The following FAM91A1 variants were observed in gnomAD, a reference collection of about 807,000 sequenced individuals.
FAM91A1 encodes the protein family with sequence similarity 91 member A1.
In FAM91A1, 41 loss-of-function variants were observed where a neutral mutation model predicts 113.5. That is an observed-to-expected ratio of 0.36 (90% CI 0.28 to 0.47). FAM91A1 has a LOEUF of 0.47. Among genes scored for constraint, FAM91A1 ranks in the 20% least tolerant of loss-of-function variants. The probability of loss-of-function intolerance (pLI) is 1.00; values close to 1 mark genes in which losing one functional copy is unlikely to be tolerated. For synonymous variants in FAM91A1, 307 were observed against 347.9 expected (o/e 0.88, Z 1.31); for missense variants, 696 against 1,001.2 (o/e 0.70, Z 4.11).
At position 123,778,768 on chromosome 8, in the gene FAM91A1, T is replaced by G. The variant is rs1182326046; in HGVS notation, c.545T>G (p.Ile182Ser). 1 of 1,515,216 alleles carries G rather than the reference T, an allele frequency of 6.6e-7. No homozygotes were observed. The highest frequency in any genetic ancestry group is 2.0e-5 in the Admixed American group (1 of 49,086). 93.9% of individuals were successfully genotyped at this position (1,515,216 alleles called of 1,614,324 possible). ...VQAGYITEDDIKICTLPEKCA... is the reference protein window; with the variant it reads ...VQAGYITEDDSKICTLPEKCA... ...GCTGGCTATATCACAGAAGATGACA[T>G]CAAGGTAGAAATCTTTAAAAGTTAA... is the stretch of plus-strand genomic sequence containing the variant. The change falls in exon 6 of 24, where the codon ATC becomes AGC. Residue 182 changes from isoleucine (I) to serine (S), a missense_variant. Coordinates refer to ENST00000334705, the MANE Select transcript of FAM91A1 (RefSeq NM_144963.4).
intron 7 of FAM91A1, among the ~76,000 whole-genome samples, 169 bp from the exon 8 acceptor site, chr8:123,780,311 G>A (rs1815087972): frequency 6.6e-6 from 1 of 152,090 alleles, no homozygotes; most frequent in Admixed American, 6.5e-5. Context: ...GTATATGCAG[G>A]AAACCGAGAT....
rs1158252882 is a variant in FAM91A1, at chr8:123,799,618, A to G, written c.1659A>G (p.Lys553=). ...GQGPPSLLLS[K]GTRLRKLPDI... Reference sequence around the variant, plus strand: ...GACCACCATCCCTTTTATTGTCCAAAGGTACAAGACTTCGAAAACTGCCAG... The same window carrying G: ...GACCACCATCCCTTTTATTGTCCAAGGGTACAAGACTTCGAAAACTGCCAG... The change falls in exon 17 of 24, where the codon AAA becomes AAG. Residue 553 remains lysine (K), a synonymous_variant. Transcript: ENST00000334705. The G allele has an allele frequency of 6.2e-7, 1 of 1,614,156 alleles. No individual in the cohort carries two copies. Among genetic ancestry groups the G allele is most frequent in the East Asian group, 2.2e-5 (1 of 44,862 alleles).
chr8:123,812,410 C>CCGTATTATTAAAA, intron 23 of FAM91A1, 109 bp from the exon 24 acceptor site: 2 of 749,276 alleles, frequency 2.7e-6, no homozygotes, highest in Non-Finnish European at 3.8e-6. Context: ...TACTGCTTTG[C>CCGTATTATTAAAA]AATCCATAAA....
rs765576728 is a variant in FAM91A1, at chr8:123,808,877, A to G, written c.2138-16A>G. 6.9e-6 allele frequency: 11 copies of G among 1,603,030 alleles called. No individual in the cohort carries two copies. Among genetic ancestry groups the G allele is most frequent in the Middle Eastern group, 2.2e-4 (1 of 4,456 alleles). ...ATATATATGATAAAAAAATAAGTTT[A>G]TGTATCCTTTCTTAGGTGCCACAAC... On this transcript the variant is annotated splice_polypyrimidine_tract_variant and intron_variant, in intron 21 of 23. Transcript: ENST00000334705.
rs778814659 is a variant in FAM91A1 at position 123,805,309 on chromosome 8, T to A, written c.1852T>A (p.Phe618Ile). 13 of 1,612,906 alleles carry A rather than the reference T, an allele frequency of 8.1e-6. 1 individual carries two copies. In the South Asian group the frequency reaches 1.4e-4, roughly 18 times the overall value. The change falls in exon 19 of 24, where the codon TTT becomes ATT. Residue 618 changes from phenylalanine (F) to isoleucine (I), a missense_variant. Phe to Ile is a conservative substitution (Grantham distance 21, BLOSUM62 0). Coordinates refer to ENST00000334705, the MANE Select transcript of FAM91A1 (RefSeq NM_144963.4). ...HGIGETVHVPFPFDETELQGE... is the reference protein window; with the variant it reads ...HGIGETVHVPIPFDETELQGE... ...GATAGGAGAAACTGTCCATGTCCCATTTCCATTTGATGAAACAGAACTACA... is the reference window on the plus strand; with the variant it reads ...GATAGGAGAAACTGTCCATGTCCCAATTCCATTTGATGAAACAGAACTACA...
At chr8:123,796,461 CTTTTT>C (rs71289612) in intron 15 of FAM91A1, among the ~76,000 whole-genome samples, 1 of 129,036 alleles carries the variant, frequency 7.7e-6, no homozygotes. Context: ...GAGTGAAGGG[CTTTTT>C]TTTTTTTTTT....
rs531984658 is a variant in FAM91A1, at chr8:123,787,095, C to T, written c.1079-166C>T. Among the ~76,000 whole-genome samples the T allele has an allele frequency of 1.4e-4, 21 of 152,264 alleles. 2 individuals are homozygous for T. The highest frequency in any genetic ancestry group is 5.2e-4 in the Admixed American group (8 of 15,294). The stretch of plus-strand genomic sequence containing the variant: ...GTTAAATGCTTTTTAATATTCTTTG[C>T]GCTTCAAAATAGGTATGGCTGGAAC... On this transcript the variant is annotated intron_variant, in intron 12 of 23. Transcript: ENST00000334705.
At position 123,778,719 on chromosome 8, in the gene FAM91A1, A is replaced by G; in HGVS notation, c.496A>G (p.Ile166Val). ...LLPIKPVEIA[I>V]EAWWVVQAGY... is the part of the protein sequence containing the mutation. ...ACCAATAAAGCCAGTGGAAATTGCC[A>G]TAGAGGCGTGGTGGGTGGTGCAGGC... The change falls in exon 6 of 24, where the codon ATA becomes GTA. Residue 166 changes from isoleucine (I) to valine (V), a missense_variant. By Grantham distance (29) the Ile-to-Val change is conservative (BLOSUM62 3). Transcript: ENST00000334705. 1 of 1,609,452 alleles carries G rather than the reference A, an allele frequency of 6.2e-7. No individual in the cohort carries two copies. The highest frequency in any genetic ancestry group is 8.5e-7 in the Non-Finnish European group (1 of 1,178,410).
intron 15 of FAM91A1, among the ~76,000 whole-genome samples, chr8:123,791,052 T>C (rs1332789675): frequency 6.6e-6 from 1 of 152,226 alleles, no homozygotes; most frequent in Non-Finnish European, 1.5e-5. Context: ...ATGGAGATAA[T>C]GTATTAGATG....
intron 15 of FAM91A1, among the ~76,000 whole-genome samples, chr8:123,794,903 G>A (rs1224451937): frequency 2.0e-5 from 3 of 152,226 alleles, no homozygotes; most frequent in Non-Finnish European, 4.4e-5. Context: ...TGTAAAAGAC[G>A]ATTGTTAAAT....
intron 15 of FAM91A1, among the ~76,000 whole-genome samples, chr8:123,791,094 A>C (rs1309630472): frequency 1.3e-5 from 2 of 152,240 alleles, no homozygotes; most frequent in African/African-American, 4.8e-5. Context: ...CTGTCTTGAA[A>C]TACATTGTCC....
chr8:123,787,931 G>C (rs1311832453), intron 14 of FAM91A1, among the ~76,000 whole-genome samples, 181 bp downstream of exon 14: 1 of 152,118 alleles, frequency 6.6e-6, no homozygotes, highest in Non-Finnish European at 1.5e-5. Flanking sequence ...TTGAGTGGGT[G>C]AATTGATTTT....
chr8:123,808,730 G>A, intron 21 of FAM91A1, 163 bp from the exon 22 acceptor site: 1 of 610,806 alleles, frequency 1.6e-6, no homozygotes, highest in Non-Finnish European at 2.7e-6. Flanking sequence ...GAGATTAACT[G>A]ACCCCCTTCA....
chr8:123,808,194 T>A (rs1281616332), intron 20 of FAM91A1, 78 bp from the exon 21 acceptor site: 1 of 1,115,772 alleles, frequency 9.0e-7, no homozygotes, highest in Non-Finnish European at 1.3e-6. Context: ...TGAAGTCTTT[T>A]CCATGTTAGG....
In FAM91A1 at chr8:123,787,317, G is replaced by A. The variant is rs760648737; in HGVS notation, c.1135G>A (p.Ala379Thr). The change falls in exon 13 of 24, where the codon GCA becomes ACA. Residue 379 changes from alanine (A) to threonine (T), a missense_variant. Ala to Thr is a moderately conservative substitution (Grantham distance 58, BLOSUM62 0). Transcript: ENST00000334705. ...GTCTACAGGACACACGAAGCGCATC[G>A]CATTCCTGTTTGACTCCACTCTTAC... Reference protein sequence around the residue: ...SLSTGHTKRIAFLFDSTLTAF... With the variant: ...SLSTGHTKRITFLFDSTLTAF... The A allele has an allele frequency of 5.6e-6, 9 of 1,611,620 alleles. No homozygotes were observed. Among genetic ancestry groups the A allele is most frequent in the Non-Finnish European group, 7.6e-6 (9 of 1,179,702 alleles).
chr8:123,786,254 T>A, intron 11 of FAM91A1: 1 of 442,976 alleles, frequency 2.3e-6, no homozygotes, highest in East Asian at 3.5e-5. Flanking sequence ...AAAAAGCAAA[T>A]AAATATTTTA....
intron 22 of FAM91A1, among the ~76,000 whole-genome samples, chr8:123,809,263 G>A (rs34259891): frequency 2.6e-5 from 4 of 152,234 alleles, no homozygotes; most frequent in Admixed American, 6.5e-5. Flanking sequence ...TAGTAATCTA[G>A]GTGAGGTGAG....
intron 23 of FAM91A1, 119 bp from the exon 24 acceptor site, chr8:123,812,394 CTCCTGT>C: frequency 1.2e-5 from 7 of 582,574 alleles, no homozygotes; most frequent in South Asian, 9.2e-5. Flanking sequence ...ATCTTTGCAT[CTCCTGT>C]ACTGCTTTGC....
chr8:123,789,712 G>A lies in FAM91A1; in HGVS notation c.1378G>A (p.Ala460Thr). 6.2e-7 allele frequency: 1 copy of A among 1,613,432 alleles called. No homozygotes were observed. Among genetic ancestry groups the A allele is most frequent in the South Asian group, 1.1e-5 (1 of 91,024 alleles). Residue 460 changes from alanine (A) to threonine (T), a missense_variant, in exon 15 of 24, where the codon GCG (alanine) becomes ACG (threonine). Coordinates refer to ENST00000334705, the MANE Select transcript of FAM91A1 (RefSeq NM_144963.4). ...LFLRHNKDLV[A>T]QTAQPDQPNY... ...TCTGCGTCATAACAAAGATCTAGTT[G>A]CGCAAACTGCACAGCCAGACCAACC...
Sources: allele counts gnomAD v4.1 joint callset (sites outside exome capture counted in the v4.1 genomes callset), GRCh38; gene constraint gnomAD v4.1.1; transcripts MANE v1.5; gene names NCBI Gene and HGNC (gene_info 2026-07-23, HGNC 2026-07-21).